Variants in ADAMTSL1 observed in about 807,000 individuals in gnomAD.
ADAMTSL1 encodes ADAMTS like 1.
A neutral mutation model predicts 201.8 loss-of-function variants in ADAMTSL1; 126 were observed. The ratio of observed to expected loss-of-function variants is 0.62; its 90% CI spans 0.54 to 0.72. ADAMTSL1 has a LOEUF of 0.72. Among genes scored for constraint, ADAMTSL1 ranks in the 30% least tolerant of loss-of-function variants. ADAMTSL1 has a pLI of 0.00. For missense variants in ADAMTSL1, 2,679 were observed against 2,277.8 expected, an observed-to-expected ratio of 1.18 and a Z score of -3.59; for synonymous variants, 1,121 against 903.4, an observed-to-expected ratio of 1.24 and a Z score of -4.32.
rs148409314 is a variant in ADAMTSL1 at position 17,939,466 on chromosome 9, G to A, written c.87+32544G>A. On this transcript the variant is annotated intron_variant, in intron 1 of 29. Coordinates refer to the ADAMTSL1 transcript ENST00000680146. ...ATACTGACATTTTCACCTCATTAGT[G>A]TCTTTTCATCTCATTCAGAAATCTG... Among the ~76,000 whole-genome samples, 326 of 151,780 alleles carry A rather than the reference G, an allele frequency of 2.1e-3. 1 individual carries two copies. Among genetic ancestry groups the A allele is most frequent in the Middle Eastern group, 6.8e-3 (2 of 294 alleles).
At chr9:18,549,993 G>A (rs1330196944) in intron 3 of ADAMTSL1, among the ~76,000 whole-genome samples, 5 of 151,954 alleles carry the variant, frequency 3.3e-5, no homozygotes, top group Admixed American at 2.6e-4. Context: ...CTATCAGATG[G>A]TCCTTCCTTT....
At chr9:18,042,638 C>G (rs1261683259) in intron 1 of ADAMTSL1, among the ~76,000 whole-genome samples, 2 of 152,052 alleles carry the variant, frequency 1.3e-5, no homozygotes, top group South Asian at 2.1e-4. Flanking sequence ...TCTTATAACC[C>G]AAATGATTCA....
At chr9:18,709,108 C>A (rs182274428) in intron 14 of ADAMTSL1, among the ~76,000 whole-genome samples, 127 of 152,250 alleles carry the variant, frequency 8.3e-4, no homozygotes, top group African/African-American at 2.6e-3. Flanking sequence ...AACAACTGAA[C>A]CTACTTACCT....
chr9:18,232,067 T>C (rs1234949616), intron 2 of ADAMTSL1, among the ~76,000 whole-genome samples: 2 of 152,120 alleles, frequency 1.3e-5, no homozygotes, highest in Non-Finnish European at 2.9e-5. Context: ...GCTCTCCATG[T>C]CACTCAAAGT....
At chr9:18,820,804 A>G (rs1482187115) in intron 21 of ADAMTSL1, among the ~76,000 whole-genome samples, 1 of 152,162 alleles carries the variant, frequency 6.6e-6, no homozygotes, top group Non-Finnish European at 1.5e-5. Flanking sequence ...TATCACTCCC[A>G]TGCTTGTTCT....
chr9:18,028,596 C>T (rs576902524), intron 1 of ADAMTSL1, among the ~76,000 whole-genome samples: 46 of 152,158 alleles, frequency 3.0e-4, no homozygotes, highest in African/African-American at 1.1e-3. Flanking sequence ...TTTCTGAGGG[C>T]TCTGTTCTGT....
intron 1 of ADAMTSL1, among the ~76,000 whole-genome samples, chr9:18,085,284 C>G (rs1410733217): frequency 6.6e-6 from 1 of 152,110 alleles, no homozygotes; most frequent in East Asian, 1.9e-4. Context: ...CACTTACCAG[C>G]TGTGCGATCT....
chr9:18,882,160 T>C (rs929988692), intron 23 of ADAMTSL1, among the ~76,000 whole-genome samples: 3 of 152,174 alleles, frequency 2.0e-5, no homozygotes, highest in Non-Finnish European at 4.4e-5. Flanking sequence ...CTAAATACTC[T>C]CTCAGAAAAT....
In ADAMTSL1 at chr9:18,574,302, A is replaced by T. The variant is rs373446301; in HGVS notation, c.474+36A>T. 9.6e-6 allele frequency: 15 copies of T among 1,564,034 alleles called. No homozygotes were observed. The African/African-American group carries it at 1.4e-4, about 14-fold the overall frequency. On this transcript the variant is annotated intron_variant, in intron 4 of 28. Transcript: ENST00000380548. ...ATTTGTTCTCATTCAACTTGTCCAG[A>T]GGGTTTCAATGTCTTTGTGTAAATG...
chr9:18,522,748 A>G (rs528109819), intron 2 of ADAMTSL1, among the ~76,000 whole-genome samples: 2 of 151,870 alleles, frequency 1.3e-5, no homozygotes, highest in South Asian at 2.1e-4. Flanking sequence ...AGCTTCATCC[A>G]TGTCCCTACA....
At chr9:18,481,232 G>T (rs1205051868) in intron 1 of ADAMTSL1, among the ~76,000 whole-genome samples, 1 of 152,162 alleles carries the variant, frequency 6.6e-6, no homozygotes, top group African/African-American at 2.4e-5. Context: ...TCTTGGAGGT[G>T]TCTGAGTGCC....
intron 2 of ADAMTSL1, among the ~76,000 whole-genome samples, chr9:18,393,839 A>C (rs2133233661): frequency 6.6e-6 from 1 of 152,334 alleles, no homozygotes; most frequent in Admixed American, 6.5e-5. Context: ...CCAAAAGTGA[A>C]GGCAGAGAAA....
chr9:18,088,693 C>T (rs1823872433), intron 1 of ADAMTSL1, among the ~76,000 whole-genome samples: 1 of 152,150 alleles, frequency 6.6e-6, no homozygotes, highest in African/African-American at 2.4e-5. Flanking sequence ...GATATGACCT[C>T]ATACCTATTT....
chr9:18,269,706 G>C (rs374621201), intron 2 of ADAMTSL1, among the ~76,000 whole-genome samples: 1 of 152,146 alleles, frequency 6.6e-6, no homozygotes. Context: ...TTGGAAAAGA[G>C]TATGGACAAA....
intron 23 of ADAMTSL1, among the ~76,000 whole-genome samples, chr9:18,847,011 A>G (rs963800705): frequency 6.6e-6 from 1 of 152,204 alleles, no homozygotes; most frequent in African/African-American, 2.4e-5. Context: ...ATGTGTAGTT[A>G]TAAGGAGGAG....
chr9:18,499,079 T>C (rs890181236), intron 1 of ADAMTSL1, among the ~76,000 whole-genome samples: 1 of 152,248 alleles, frequency 6.6e-6, no homozygotes, highest in Non-Finnish European at 1.5e-5. Context: ...TGTTACAGAA[T>C]TGACTTTTCT....
chr9:18,271,063 G>C (rs746952715), intron 2 of ADAMTSL1, among the ~76,000 whole-genome samples: 9 of 152,156 alleles, frequency 5.9e-5, no homozygotes, highest in Non-Finnish European at 1.3e-4. Flanking sequence ...AGAAATGCAT[G>C]TTTATTGTTG....
rs1424835251 is a variant in ADAMTSL1 at position 18,325,434 on chromosome 9, A to G, written c.207+161453A>G. Among the ~76,000 whole-genome samples the G allele has an allele frequency of 1.4e-4, 22 of 152,260 alleles. 1 individual carries two copies. Among genetic ancestry groups the G allele is most frequent in the Admixed American group, 1.1e-3 (17 of 15,286 alleles). On this transcript the variant is annotated intron_variant, in intron 2 of 29. Coordinates refer to the ADAMTSL1 transcript ENST00000680146. ...TCTAAAAATAACTATCATTACATAC[A>G]TATTCATGTGGATGAATCTCAAACG...
Position 18,490,305 on chromosome 9 carries a change from A to C in ADAMTSL1, c.64-14524A>C, listed in dbSNP as rs189005918. On this transcript the variant is annotated intron_variant, in intron 1 of 28. Transcript: ENST00000380548. ...GGAAGCTACACAGCAGAAGCAGAAT[A>C]GGTGGCAGAGGCAATTGATTGGAGG... Among the ~76,000 whole-genome samples the C allele has an allele frequency of 2.6e-4, 40 of 152,042 alleles. No homozygotes were observed. The East Asian group carries it at 7.0e-3, about 27-fold the overall frequency.
Sources: gnomAD v4.1 joint callset for allele counts (sites outside exome capture counted in the v4.1 genomes callset) on GRCh38, gnomAD v4.1.1 for gene constraint, MANE v1.5 for transcripts, NCBI Gene and HGNC (gene_info 2026-07-23, HGNC 2026-07-21) for gene names.